ASPSCR1: variants seen among roughly 807,000 people sequenced by gnomAD.
The protein encoded by ASPSCR1 is ASPSCR1 tether for SLC2A4, UBX domain containing, also known as tether containing UBX domain for GLUT4.
ASPSCR1 carries 55 observed loss-of-function variants against 68.9 expected under a neutral mutation model. The observed-to-expected ratio is 0.80, with a 90% CI of 0.64 to 1.00. The LOEUF (loss-of-function observed/expected upper bound fraction) is 1.00, where lower values mean the gene tolerates loss of function less well. ASPSCR1 is among the 50% of genes least tolerant of loss of function. The pLI is 0.00. For synonymous variants in ASPSCR1, 352 were observed against 332.6 expected (o/e 1.06, Z -0.63); for missense variants, 765 against 762.2 (o/e 1.00, Z -0.04).
intron 2 of ASPSCR1, among the ~76,000 whole-genome samples, chr17:81,980,475 T>C (rs2143988556): frequency 6.6e-6 from 1 of 152,392 alleles, no homozygotes; most frequent in South Asian, 2.1e-4. Context: ...GTGCTCTGAA[T>C]GCCAGGTGGT....
rs534521654 is a variant in ASPSCR1 at position 81,987,804 on chromosome 17, A to G, written c.374+2197A>G. On this transcript the variant is annotated intron_variant, in intron 4 of 15. Transcript: ENST00000306739. The surrounding 1 kb of genome is among the most constrained non-coding windows in gnomAD (Gnocchi z 5.6). ...GGAGGTTGCAGTGAGCCGAGATCGC[A>G]CCATTGCACTCTAGCCTGGGTGACA... is the stretch of plus-strand genomic sequence containing the variant. 6.6e-6 allele frequency among the ~76,000 whole-genome samples: 1 copy of G among 152,026 alleles called. No individual in the cohort carries two copies. The highest frequency in any genetic ancestry group is 1.5e-5 in the Non-Finnish European group (1 of 67,966).
intron 12 of ASPSCR1, chr17:82,016,149 G>A (rs77778838): frequency 2.8e-5 from 10 of 357,632 alleles, no homozygotes; most frequent in South Asian, 1.7e-4. Context: ...GACCCGCCAC[G>A]CCTGGCCCCA....
chr17:82,010,844 G>C lies in ASPSCR1; in HGVS notation c.1213G>C (p.Gly405Arg), dbSNP rs563994179. The C allele has an allele frequency of 6.2e-7, 1 of 1,612,978 alleles. No homozygotes were observed. The highest frequency in any genetic ancestry group is 1.3e-5 in the African/African-American group (1 of 75,068). Reference protein sequence around the residue: ...VLFPDRYVLQGFFRPSETVGD... With the variant: ...VLFPDRYVLQRFFRPSETVGD... ...GTTCCCCGACCGCTACGTCCTACAG[G>C]GCTTCTTCCGCCCCAGCGAGACAGG... Residue 405 changes from glycine to arginine, a missense_variant, in exon 10 of 16, where the codon GGC (glycine) becomes CGC (arginine). By Grantham distance (125) the Gly-to-Arg change is moderately radical. Coordinates refer to ENST00000306739, the MANE Select transcript of ASPSCR1 (RefSeq NM_024083.4).
intron 9 of ASPSCR1, among the ~76,000 whole-genome samples, chr17:82,010,421 C>CG (rs1567990219): frequency 6.7e-6 from 1 of 149,062 alleles, no homozygotes; most frequent in African/African-American, 2.5e-5. Flanking sequence ...CCCAGCTGCT[C>CG]GGGAGGCTGA....
At chr17:82,011,956 G>C in intron 11 of ASPSCR1, 1 of 616,906 alleles carries the variant, frequency 1.6e-6, no homozygotes, top group South Asian at 1.9e-5. Context: ...GCCTCCCTTG[G>C]AGGGTGTCTA....
intron 4 of ASPSCR1, among the ~76,000 whole-genome samples, chr17:81,988,280 G>A (rs1377089588): frequency 2.0e-5 from 3 of 152,000 alleles, no homozygotes; most frequent in African/African-American, 2.4e-5. Flanking sequence ...GGCCAACATG[G>A]TGAAAACCCA....
In ASPSCR1 at chr17:82,010,819, G is replaced by C; in HGVS notation, c.1188G>C (p.Leu396=). The C allele has an allele frequency of 6.2e-7, 1 of 1,613,234 alleles. No individual in the cohort carries two copies. The highest frequency in any genetic ancestry group is 8.5e-7 in the Non-Finnish European group (1 of 1,179,920). ...ERYPKVALRV[L]FPDRYVLQGF... ...TGGCCTAGGTGGCTCTGAGGGTCCT[G>C]TTCCCCGACCGCTACGTCCTACAGG... Residue 396 remains leucine, a synonymous_variant, in exon 10 of 16, where the codon CTG becomes CTC. Coordinates refer to ENST00000306739, the MANE Select transcript of ASPSCR1 (RefSeq NM_024083.4).
rs1172608701 is a variant in ASPSCR1 at position 81,983,141 on chromosome 17, G to A, written c.159-413G>A. 3.3e-5 allele frequency among the ~76,000 whole-genome samples: 5 copies of A among 152,192 alleles called. No homozygotes were observed. Among genetic ancestry groups the A allele is most frequent in the Admixed American group, 1.3e-4 (2 of 15,264 alleles). On this transcript the variant is annotated intron_variant, in intron 2 of 15. Transcript: ENST00000306739. The surrounding 1 kb of genome is among the most constrained non-coding windows in gnomAD (Gnocchi z 4.4). ...ATTACAGGCGTGAGCCACTGCGCCC[G>A]GGCAGTCAGGTTTTCTGTGGTGGCT...
chr17:81,987,058 C>T lies in ASPSCR1; in HGVS notation c.374+1451C>T, dbSNP rs2042016263. Among the ~76,000 whole-genome samples the T allele has an allele frequency of 6.6e-6, 1 of 151,672 alleles. No homozygotes were observed. Among genetic ancestry groups the T allele is most frequent in the Admixed American group, 6.6e-5 (1 of 15,212 alleles). On this transcript the variant is annotated intron_variant, in intron 4 of 15. Coordinates refer to ENST00000306739, the MANE Select transcript of ASPSCR1 (RefSeq NM_024083.4). The surrounding 1 kb of genome is among the most constrained non-coding windows in gnomAD (Gnocchi z 5.6). ...AAGCCACGGGCAGGGGTGAGCGGGA[C>T]CCGAGGCAGGAGATGACGGAGCCTA...
At chr17:81,981,981 T>A (rs912502589) in intron 2 of ASPSCR1, among the ~76,000 whole-genome samples, 1 of 150,812 alleles carries the variant, frequency 6.6e-6, no homozygotes, top group Admixed American at 6.6e-5. Context: ...TTTCTTTCTT[T>A]TTTTTGAGAC....
At position 82,010,834 on chromosome 17, in the gene ASPSCR1, C is replaced by A; in HGVS notation, c.1203C>A (p.Tyr401Ter). ...TGAGGGTCCTGTTCCCCGACCGCTA[C>A]GTCCTACAGGGCTTCTTCCGCCCCA... ...VALRVLFPDR[Y>*]VLQGFFRPSE... The change falls in exon 10 of 16, where the codon TAC (tyrosine) becomes TAA (stop). Residue 401 changes from tyrosine to a stop codon, truncating the protein, a stop_gained. Coordinates refer to ENST00000306739, the MANE Select transcript of ASPSCR1 (RefSeq NM_024083.4). LOFTEE classifies it high-confidence loss of function. The A allele has an allele frequency of 6.2e-7, 1 of 1,613,156 alleles. No homozygotes were observed. The highest frequency in any genetic ancestry group is 8.5e-7 in the Non-Finnish European group (1 of 1,179,928).
rs949725280 is a variant in ASPSCR1 at position 81,983,512 on chromosome 17, A to G, written c.159-42A>G. The G allele has an allele frequency of 5.6e-6, 8 of 1,418,608 alleles. No homozygotes were observed. The highest frequency in any genetic ancestry group is 1.3e-5 in the South Asian group (1 of 76,372). 87.9% of individuals were successfully genotyped at this position (1,418,608 alleles called of 1,614,324 possible). A position where few individuals can be genotyped will look rare whatever the true frequency, so the allele number is the denominator to read the frequency against. ...CGGGGCGTGGATGGCAGGGCGTGTC[A>G]GGCTCTGCAGGGCAGCAAGTGTGCT... On this transcript the variant is annotated intron_variant, in intron 2 of 15. Transcript: ENST00000306739. This position sits in a 1 kb window ranked among gnomAD's most constrained non-coding sequence, Gnocchi z 4.4.
chr17:82,010,824 C>G lies in ASPSCR1; in HGVS notation c.1193C>G (p.Pro398Arg). Reference sequence around the variant, plus strand: ...TAGGTGGCTCTGAGGGTCCTGTTCCCCGACCGCTACGTCCTACAGGGCTTC... The same window carrying G: ...TAGGTGGCTCTGAGGGTCCTGTTCCGCGACCGCTACGTCCTACAGGGCTTC... Reference protein sequence around the residue: ...YPKVALRVLFPDRYVLQGFFR... With the variant: ...YPKVALRVLFRDRYVLQGFFR... The change falls in exon 10 of 16, where the codon CCC (proline) becomes CGC (arginine). Residue 398 changes from proline (P) to arginine (R), a missense_variant. Coordinates refer to ENST00000306739, the MANE Select transcript of ASPSCR1 (RefSeq NM_024083.4). 6.2e-7 allele frequency: 1 copy of G among 1,613,230 alleles called. No individual in the cohort carries two copies. Among genetic ancestry groups the G allele is most frequent in the East Asian group, 2.2e-5 (1 of 44,874 alleles).
chr17:81,995,658 C>T (rs1350880455), intron 5 of ASPSCR1: 9 of 504,502 alleles, frequency 1.8e-5, no homozygotes, highest in Non-Finnish European at 2.5e-5. Flanking sequence ...CTGCCTCTCT[C>T]GCTCCGGGCA....
At chr17:81,985,695 C>A in intron 4 of ASPSCR1, 88 bp downstream of exon 4, 1 of 1,335,812 alleles carries the variant, frequency 7.5e-7, no homozygotes, top group Admixed American at 1.9e-5. Context: ...AGCTGGACAC[C>A]CAAGCTCTGT....
rs1307671606 is a variant in ASPSCR1, at chr17:81,977,810, C to T, written c.102+62C>T. ...CGGGGGGCGCTGCGCCGAGGCCCCG[C>T]CCATTGCGGTCGGCGTCCCGGTGTT... On this transcript the variant is annotated intron_variant, in intron 1 of 15. Coordinates refer to ENST00000306739, the MANE Select transcript of ASPSCR1 (RefSeq NM_024083.4). The surrounding 1 kb of genome is among the most constrained non-coding windows in gnomAD (Gnocchi z 5.0). The T allele has an allele frequency of 8.6e-7, 1 of 1,165,224 alleles. No individual in the cohort carries two copies. Among genetic ancestry groups the T allele is most frequent in the Non-Finnish European group, 1.1e-6 (1 of 935,816 alleles). 72.2% of individuals were successfully genotyped at this position (1,165,224 alleles called of 1,614,324 possible). A position where few individuals can be genotyped will look rare whatever the true frequency, so the allele number is the denominator to read the frequency against.
At chr17:81,978,903 G>C (rs1185163789) in intron 1 of ASPSCR1, 5 of 532,054 alleles carry the variant, frequency 9.4e-6, no homozygotes, top group Non-Finnish European at 1.7e-5. Flanking sequence ...CAGGGTGTGT[G>C]CCAGGAAGAT....
intron 7 of ASPSCR1, among the ~76,000 whole-genome samples, chr17:82,001,878 T>C (rs2042543487): frequency 6.6e-6 from 1 of 152,150 alleles, no homozygotes; most frequent in African/African-American, 2.4e-5. Flanking sequence ...TGGTGCGCTT[T>C]ATCCACAGTG....
rs999407116 is a variant in ASPSCR1 at position 81,983,140 on chromosome 17, C to T, written c.159-414C>T. ...GATTACAGGCGTGAGCCACTGCGCC[C>T]GGGCAGTCAGGTTTTCTGTGGTGGC... On this transcript the variant is annotated intron_variant, in intron 2 of 15. Coordinates refer to ENST00000306739, the MANE Select transcript of ASPSCR1 (RefSeq NM_024083.4). This position sits in a 1 kb window ranked among gnomAD's most constrained non-coding sequence, Gnocchi z 4.4. Among the ~76,000 whole-genome samples the T allele has an allele frequency of 1.3e-5, 2 of 152,222 alleles. No homozygotes were observed. The highest frequency in any genetic ancestry group is 2.9e-5 in the Non-Finnish European group (2 of 68,046).
Sources: allele counts gnomAD v4.1 joint callset (sites outside exome capture counted in the v4.1 genomes callset), GRCh38; gene constraint gnomAD v4.1.1; non-coding constraint Gnocchi (gnomAD v3.1); transcripts MANE v1.5; gene names NCBI Gene and HGNC (gene_info 2026-07-23, HGNC 2026-07-21).